SLCO3A1: variants seen among roughly 807,000 people sequenced by gnomAD.
SLCO3A1 encodes solute carrier organic anion transporter family member 3A1, also known as PGE1 transporter.
In SLCO3A1, 27 loss-of-function variants were observed where a neutral mutation model predicts 63.1. The ratio of observed to expected loss-of-function variants is 0.43; its 90% confidence interval spans 0.32 to 0.59. The LOEUF is 0.59. SLCO3A1 is among the 20% of genes least tolerant of loss of function. The pLI is 0.09. For missense variants in SLCO3A1, 773 were observed against 945.8 expected (o/e 0.82, Z 2.40); for synonymous variants, 473 against 409.9 (o/e 1.15, Z -1.86).
intron 2 of SLCO3A1, among the ~76,000 whole-genome samples, chr15:91,934,981 G>GTC (rs1899357242): frequency 2.0e-5 from 3 of 152,144 alleles, no homozygotes; most frequent in Admixed American, 1.3e-4. Flanking sequence ...TTGAGACAGA[G>GTC]TCTCGCTTTG....
chr15:91,905,002 G>A (rs1287617021), intron 1 of SLCO3A1, among the ~76,000 whole-genome samples: 2 of 152,164 alleles, frequency 1.3e-5, no homozygotes, highest in African/African-American at 4.8e-5. Context: ...CAGTCCTATG[G>A]AATTACAAGT....
intron 2 of SLCO3A1, among the ~76,000 whole-genome samples, chr15:91,918,613 T>G (rs1267794355): frequency 6.6e-6 from 1 of 152,218 alleles, no homozygotes; most frequent in Non-Finnish European, 1.5e-5. Context: ...TCATAGCATA[T>G]GCAGAGTATA....
At chr15:91,959,942 C>T (rs879938585) in intron 2 of SLCO3A1, among the ~76,000 whole-genome samples, 1 of 151,988 alleles carries the variant, frequency 6.6e-6, no homozygotes, top group African/African-American at 2.4e-5. Context: ...TTGATTTGCC[C>T]ATTCTTAACA....
intron 2 of SLCO3A1, among the ~76,000 whole-genome samples, chr15:92,085,933 A>G (rs2047399235): frequency 1.3e-5 from 2 of 152,196 alleles, no homozygotes; most frequent in South Asian, 2.1e-4. Flanking sequence ...TTCAACTTCA[A>G]CCATGTCATT....
At chr15:92,157,913 G>A (rs979704411) in intron 9 of SLCO3A1, among the ~76,000 whole-genome samples, 1 of 152,158 alleles carries the variant, frequency 6.6e-6, no homozygotes, top group African/African-American at 2.4e-5. Flanking sequence ...CTCAAGTTGT[G>A]TGAATCACAC....
rs149178805 is a variant in SLCO3A1, at chr15:91,916,244, C to A, written c.432C>A (p.Ala144=). 10 of 1,565,448 alleles carry A rather than the reference C, an allele frequency of 6.4e-6. No individual in the cohort carries two copies. The East Asian group carries it at 2.1e-4, about 34-fold the overall frequency. The change falls in exon 2 of 10, where the codon GCC becomes GCA. Residue 144 remains alanine, a synonymous_variant. Transcript: ENST00000318445. The surrounding 1 kb of genome is among the most constrained non-coding windows in gnomAD (Gnocchi z 6.2). ...AGGCGGGCGAGATCCGCTGGGGCGC[C>A]GAGGGCCGCGACGTCTGCGCAGCCA... is the stretch of plus-strand genomic sequence containing the variant. ...KYEAGEIRWG[A]EGRDVCAANG... is the part of the protein sequence containing the mutation.
At chr15:91,911,411 C>T (rs1368057346) in intron 1 of SLCO3A1, among the ~76,000 whole-genome samples, 1 of 151,926 alleles carries the variant, frequency 6.6e-6, no homozygotes, top group East Asian at 1.9e-4. Context: ...TAGACCCCAC[C>T]CCAGACCTGC....
chr15:91,943,223 T>G (rs1038778967), intron 2 of SLCO3A1, among the ~76,000 whole-genome samples: 1 of 152,144 alleles, frequency 6.6e-6, no homozygotes, highest in Non-Finnish European at 1.5e-5. Context: ...CTGCACTCAT[T>G]AAACAACTCC....
intron 1 of SLCO3A1, among the ~76,000 whole-genome samples, chr15:91,861,069 T>C (rs1422848111): frequency 3.3e-5 from 5 of 152,212 alleles, no homozygotes; most frequent in Non-Finnish European, 1.5e-5. Context: ...ATTGGGCCTT[T>C]CTCAGTGAAT....
chr15:91,862,410 C>G lies in SLCO3A1; in HGVS notation c.180+8322C>G, dbSNP rs920410737. Among the ~76,000 whole-genome samples, 3 of 152,132 alleles carry G rather than the reference C, an allele frequency of 2.0e-5. No homozygotes were observed. Among genetic ancestry groups the G allele is most frequent in the African/African-American group, 7.2e-5 (3 of 41,412 alleles). On this transcript the variant is annotated intron_variant, in intron 1 of 9. Transcript: ENST00000318445. The surrounding 1 kb of genome is among the most constrained non-coding windows in gnomAD (Gnocchi z 4.0). ...ACCTCAAGTGATCCACTCACCTCAG[C>G]CTTAGCATTGGTTTTGGTTAAAATC...
chr15:92,012,861 G>A (rs1400784), intron 2 of SLCO3A1, among the ~76,000 whole-genome samples: 88,766 of 152,070 alleles, frequency 0.58, 26,030 homozygotes, highest in South Asian at 0.67. Context: ...TAAATCACCA[G>A]TGAATACAAA....
intron 2 of SLCO3A1, among the ~76,000 whole-genome samples, chr15:91,943,561 T>G (rs1236177651): frequency 6.6e-6 from 1 of 152,224 alleles, no homozygotes; most frequent in Non-Finnish European, 1.5e-5. Flanking sequence ...GTGCAAAATG[T>G]CTTTTGAGTT....
chr15:92,133,293 G>A (rs910875692), intron 7 of SLCO3A1, among the ~76,000 whole-genome samples: 1 of 146,528 alleles, frequency 6.8e-6, no homozygotes, highest in African/African-American at 2.5e-5. Flanking sequence ...CTTGAAAAAG[G>A]TCAGCATCTA....
intron 9 of SLCO3A1, chr15:92,157,021 A>C (rs529656602): frequency 6.6e-6 from 1 of 152,372 alleles, no homozygotes; most frequent in East Asian, 1.9e-4. Flanking sequence ...AAACAGAGAC[A>C]GTGTTCTTAA....
intron 2 of SLCO3A1, among the ~76,000 whole-genome samples, chr15:91,946,075 T>C (rs1899794883): frequency 6.6e-6 from 1 of 152,256 alleles, no homozygotes; most frequent in Non-Finnish European, 1.5e-5. Flanking sequence ...GGCATGATCC[T>C]GCACTAGTTT....
rs560657607 is a variant in SLCO3A1, at chr15:92,007,372, G to C, written c.647-87509G>C. ...AGGGACATTGGATGGATATATGGCT[G>C]GAGTATTGAGGCTGGGAAGTCCTCT... is the stretch of plus-strand genomic sequence containing the variant. On this transcript the variant is annotated intron_variant, in intron 2 of 9. Coordinates refer to ENST00000318445, the MANE Select transcript of SLCO3A1 (RefSeq NM_013272.4). Among the ~76,000 whole-genome samples the C allele has an allele frequency of 2.6e-5, 4 of 152,306 alleles. No homozygotes were observed. The South Asian group carries it at 8.3e-4, about 32-fold the overall frequency.
At chr15:92,055,384 C>T (rs745676135) in intron 2 of SLCO3A1, among the ~76,000 whole-genome samples, 46 of 152,214 alleles carry the variant, frequency 3.0e-4, no homozygotes, top group South Asian at 1.0e-3. Flanking sequence ...AGTTTCATCC[C>T]GTTCAGTGTG....
chr15:92,115,302 C>T (rs1157243857), intron 4 of SLCO3A1, among the ~76,000 whole-genome samples: 1 of 151,946 alleles, frequency 6.6e-6, no homozygotes, highest in African/African-American at 2.4e-5. Flanking sequence ...GAACTCAGCC[C>T]AGCCCACTTT....
intron 2 of SLCO3A1, among the ~76,000 whole-genome samples, chr15:92,010,589 T>C (rs1266646325): frequency 2.6e-5 from 4 of 152,236 alleles, no homozygotes; most frequent in Admixed American, 2.0e-4. Context: ...ATTTGCTTCC[T>C]GTTACAGTGC....
Sources: allele counts gnomAD v4.1 joint callset (sites outside exome capture counted in the v4.1 genomes callset), GRCh38; gene constraint gnomAD v4.1.1; non-coding constraint Gnocchi (gnomAD v3.1); transcripts MANE v1.5; gene names NCBI Gene and HGNC (gene_info 2026-07-23, HGNC 2026-07-21).